PLCB1: variants seen among roughly 807,000 people sequenced by gnomAD.
PLCB1 encodes the protein 1-phosphatidylinositol 4,5-bisphosphate phosphodiesterase beta-1.
In PLCB1, 46 loss-of-function variants were observed where a neutral mutation model predicts 161.8. The observed-to-expected ratio is 0.28, with a 90% CI of 0.22 to 0.36. The LOEUF (loss-of-function observed/expected upper bound fraction) is 0.36. Among genes scored for constraint, PLCB1 ranks in the 10% least tolerant of loss-of-function variants. The pLI, the probability that PLCB1 is intolerant of heterozygous loss-of-function variation, is 1.00. For missense variants in PLCB1, 1,016 were observed against 1,472.5 expected, an observed-to-expected ratio of 0.69 and a Z score of 5.07; for synonymous variants, 517 against 503.7, an observed-to-expected ratio of 1.03 and a Z score of -0.35.
intron 23 of PLCB1, among the ~76,000 whole-genome samples, chr20:8,755,769 C>T (rs1033298875): frequency 6.6e-6 from 1 of 152,048 alleles, no homozygotes; most frequent in African/African-American, 2.4e-5. Flanking sequence ...AAGAATAGGG[C>T]ATACTAAATT....
At chr20:8,814,498 T>C (rs1477803762) in intron 31 of PLCB1, among the ~76,000 whole-genome samples, 1 of 152,086 alleles carries the variant, frequency 6.6e-6, no homozygotes, top group Non-Finnish European at 1.5e-5. Context: ...ATAAGTAGTG[T>C]TCCATCTATC....
intron 3 of PLCB1, among the ~76,000 whole-genome samples, chr20:8,604,813 T>A (rs1237857672): frequency 6.6e-6 from 1 of 152,182 alleles, no homozygotes; most frequent in Non-Finnish European, 1.5e-5. Context: ...TATAGAATAT[T>A]TTATTTTATA....
chr20:8,625,002 C>T (rs1988292788), intron 3 of PLCB1, among the ~76,000 whole-genome samples: 1 of 152,120 alleles, frequency 6.6e-6, no homozygotes, highest in Non-Finnish European at 1.5e-5. Flanking sequence ...ATAAGAAATA[C>T]TCAGACATAA....
intron 14 of PLCB1, among the ~76,000 whole-genome samples, chr20:8,721,757 G>A (rs1010313695): frequency 2.6e-5 from 4 of 152,134 alleles, no homozygotes; most frequent in Admixed American, 2.6e-4. Flanking sequence ...GGCCCTTCAC[G>A]ATTTTTATGT....
chr20:8,399,322 T>C (rs554594363), intron 3 of PLCB1, among the ~76,000 whole-genome samples: 1 of 152,194 alleles, frequency 6.6e-6, no homozygotes, highest in Non-Finnish European at 1.5e-5. Flanking sequence ...AATCCAGTTG[T>C]GCCAACACCA....
chr20:8,424,796 C>T (rs1411439481), intron 3 of PLCB1, among the ~76,000 whole-genome samples: 5 of 151,992 alleles, frequency 3.3e-5, no homozygotes, highest in Non-Finnish European at 5.9e-5. Context: ...TTGGACAAAA[C>T]GTCTAGCAGA....
intron 3 of PLCB1, among the ~76,000 whole-genome samples, chr20:8,524,139 A>T (rs1984490169): frequency 6.6e-6 from 1 of 152,234 alleles, no homozygotes; most frequent in Non-Finnish European, 1.5e-5. Flanking sequence ...TATCCAAAAA[A>T]TAGCAAGATT....
intron 31 of PLCB1, among the ~76,000 whole-genome samples, chr20:8,804,302 A>G (rs141247731): frequency 2.4e-4 from 36 of 152,300 alleles, no homozygotes; most frequent in African/African-American, 8.4e-4. Context: ...CACAACTTGT[A>G]TTCCCTTTAG....
chr20:8,838,990 G>A (rs1368841585), intron 31 of PLCB1, among the ~76,000 whole-genome samples: 1 of 152,120 alleles, frequency 6.6e-6, no homozygotes, highest in Non-Finnish European at 1.5e-5. Context: ...CCTACATAAG[G>A]GGCATATCAA....
chr20:8,353,652 A>ATT (rs1182161491), intron 2 of PLCB1, among the ~76,000 whole-genome samples: 19 of 152,264 alleles, frequency 1.2e-4, no homozygotes, highest in African/African-American at 2.6e-4. Flanking sequence ...TCATGAGAAA[A>ATT]ACATCCTGTA....
chr20:8,797,750 A>AG, intron 31 of PLCB1, among the ~76,000 whole-genome samples: 1 of 152,192 alleles, frequency 6.6e-6, no homozygotes, highest in Non-Finnish European at 1.5e-5. Context: ...TCACCTTTCA[A>AG]GGCTATCAAA....
chr20:8,147,956 T>C, intron 1 of PLCB1, among the ~76,000 whole-genome samples: 1 of 148,952 alleles, frequency 6.7e-6, no homozygotes, highest in East Asian at 2.0e-4. Context: ...CACTGCAAGC[T>C]CTGCCTCCCG....
intron 3 of PLCB1, among the ~76,000 whole-genome samples, chr20:8,473,275 GAGTT>G (rs1227094675): frequency 2.7e-5 from 4 of 150,848 alleles, no homozygotes; most frequent in Admixed American, 6.6e-5. Context: ...TAATGAATTG[GAGTT>G]AGTTATCTCC....
intron 2 of PLCB1, among the ~76,000 whole-genome samples, chr20:8,287,820 T>C (rs374469757): frequency 6.6e-6 from 1 of 152,304 alleles, no homozygotes; most frequent in East Asian, 1.9e-4. Context: ...AACCTATTTA[T>C]TACCAATGAA....
chr20:8,634,497 C>T (rs1988698580), intron 4 of PLCB1, among the ~76,000 whole-genome samples: 1 of 152,142 alleles, frequency 6.6e-6, no homozygotes, highest in Non-Finnish European at 1.5e-5. Flanking sequence ...TCCTAACTAG[C>T]TCTCACATCT....
At chr20:8,772,885 G>A (rs1960257) in intron 26 of PLCB1, among the ~76,000 whole-genome samples, 142,837 of 152,182 alleles carry the variant, frequency 0.94, 67,334 homozygotes, top group East Asian at 1. Flanking sequence ...AGCTAAGATC[G>A]TGCCATTGCA....
chr20:8,649,596 G>T, intron 7 of PLCB1, 147 bp downstream of exon 7: 1 of 626,158 alleles, frequency 1.6e-6, no homozygotes. Context: ...ATGAATTAAT[G>T]GATTATCATC....
chr20:8,217,217 C>T (rs1032716414), intron 2 of PLCB1, among the ~76,000 whole-genome samples: 5 of 151,986 alleles, frequency 3.3e-5, no homozygotes, highest in African/African-American at 9.7e-5. Flanking sequence ...GAGTAAAGAC[C>T]CCATTAAATA....
chr20:8,520,248 G>A (rs1984298097), intron 3 of PLCB1, among the ~76,000 whole-genome samples: 1 of 152,142 alleles, frequency 6.6e-6, no homozygotes, highest in Non-Finnish European at 1.5e-5. Flanking sequence ...GGAATCTCAT[G>A]TTAGGAATTC....
Sources: gnomAD v4.1 joint callset for allele counts (sites outside exome capture counted in the v4.1 genomes callset) on GRCh38, gnomAD v4.1.1 for gene constraint, MANE v1.5 for transcripts, NCBI Gene and HGNC (gene_info 2026-07-23, HGNC 2026-07-21) for gene names.